MFAP3L: variants seen among roughly 807,000 people sequenced by gnomAD.
MFAP3L encodes the protein microfibrillar-associated protein 3-like.
In MFAP3L, 5 loss-of-function variants were observed where a neutral mutation model predicts 20.0. That is an observed-to-expected ratio of 0.25 (90% CI 0.13 to 0.53). The LOEUF (loss-of-function observed/expected upper bound fraction) is 0.53, where lower values mean the gene tolerates loss of function less well. MFAP3L is among the 20% of genes least tolerant of loss of function. The pLI is 0.96. For synonymous variants in MFAP3L, 219 were observed against 213.0 expected (o/e 1.03, Z -0.25); for missense variants, 409 against 527.5 (o/e 0.78, Z 2.20).
intron 1 of MFAP3L, among the ~76,000 whole-genome samples, chr4:170,016,335 C>T (rs1739699613): frequency 1.3e-5 from 2 of 152,310 alleles, no homozygotes; most frequent in South Asian, 4.1e-4. Context: ...CATCAGCCTC[C>T]CTGGGCTCTG....
intron 1 of MFAP3L, among the ~76,000 whole-genome samples, chr4:170,018,871 G>A (rs963722966): frequency 1.3e-5 from 2 of 152,228 alleles, no homozygotes; most frequent in Non-Finnish European, 2.9e-5. Context: ...CTGCAGGCCT[G>A]GCCGGGGGTG....
intron 2 of MFAP3L, chr4:169,993,462 C>T (rs530043143): frequency 6.6e-6 from 1 of 152,300 alleles, no homozygotes; most frequent in Non-Finnish European, 1.5e-5. Flanking sequence ...GTTTGCTCTC[C>T]TTATGGTAGT....
At chr4:170,023,765 G>A (rs1175345037) in intron 1 of MFAP3L, among the ~76,000 whole-genome samples, 6 of 152,168 alleles carry the variant, frequency 3.9e-5, no homozygotes, top group Admixed American at 3.9e-4. Context: ...GAGGTTAAAA[G>A]CAACTTGGCT....
At chr4:169,997,754 C>T in intron 2 of MFAP3L, 1 of 983,626 alleles carries the variant, frequency 1.0e-6, no homozygotes, top group South Asian at 4.7e-5. Context: ...CAACTCACCG[C>T]AGCCTGGATG....
At chr4:169,995,017 C>G (rs1738034565) in intron 2 of MFAP3L, 1 of 152,160 alleles carries the variant, frequency 6.6e-6, no homozygotes, top group Admixed American at 6.5e-5. Context: ...CATCACAGCT[C>G]TCTCTGCCAG....
intron 1 of MFAP3L, 81 bp downstream of exon 1, chr4:170,026,153 G>C (rs1407197426): frequency 3.5e-6 from 3 of 847,906 alleles, no homozygotes; most frequent in East Asian, 1.2e-4. Context: ...CGGCCCCGGC[G>C]CCGACTCGGC....
At chr4:169,998,163 G>A (rs1385931075) in intron 2 of MFAP3L, among the ~76,000 whole-genome samples, 1 of 151,194 alleles carries the variant, frequency 6.6e-6, no homozygotes, top group South Asian at 2.1e-4. Context: ...CTGGGACCAC[G>A]GTGCTCGCCA....
chr4:170,024,670 T>C (rs1740241357), intron 1 of MFAP3L, among the ~76,000 whole-genome samples: 1 of 152,216 alleles, frequency 6.6e-6, no homozygotes, highest in East Asian at 1.9e-4. Context: ...AGGTTCTAAT[T>C]CATAAAAATG....
chr4:169,993,252 T>A (rs1024463838), intron 2 of MFAP3L, among the ~76,000 whole-genome samples: 1 of 152,140 alleles, frequency 6.6e-6, no homozygotes, highest in African/African-American at 2.4e-5. Flanking sequence ...TCTGAGCCCT[T>A]CTGAAACCCT....
At chr4:169,996,583 A>G (rs1738184178) in intron 2 of MFAP3L, among the ~76,000 whole-genome samples, 1 of 152,064 alleles carries the variant, frequency 6.6e-6, no homozygotes, top group Non-Finnish European at 1.5e-5. Context: ...ACAGGTAGGG[A>G]GAGGAATGCG....
In MFAP3L at chr4:169,988,636, G is replaced by T. The variant is rs1737442843; in HGVS notation, c.*2742C>A. ...TCAGCTGAAAGTCATGAGGTCTTCTGCATTTCATATTCTAGCAGGAGGGCC... is the reference window on the plus strand; with the variant it reads ...TCAGCTGAAAGTCATGAGGTCTTCTTCATTTCATATTCTAGCAGGAGGGCC... On this transcript the variant is annotated 3_prime_UTR_variant, in exon 3 of 3. Transcript: ENST00000361618. 6.6e-6 allele frequency: 1 copy of T among 152,140 alleles called. No homozygotes were observed. The highest frequency in any genetic ancestry group is 2.1e-4 in the South Asian group (1 of 4,822). The allele number at this position is 152,140 out of a possible 1,614,324, so 9.4% of individuals were successfully genotyped here. A position where few individuals can be genotyped will look rare whatever the true frequency, so the allele number is the denominator to read the frequency against.
At chr4:170,006,302 G>A (rs1289541529) in intron 1 of MFAP3L, among the ~76,000 whole-genome samples, 2 of 151,928 alleles carry the variant, frequency 1.3e-5, no homozygotes, top group Admixed American at 6.6e-5. Context: ...TAGTAGAGAT[G>A]AGGTTTCACC....
chr4:170,000,504 G>A lies in MFAP3L; in HGVS notation c.298+5076C>T, dbSNP rs190322601. 3.3e-5 allele frequency among the ~76,000 whole-genome samples: 5 copies of A among 152,122 alleles called. No homozygotes were observed. In the East Asian group the frequency reaches 9.6e-4, roughly 29 times the overall value. On this transcript the variant is annotated intron_variant, in intron 2 of 2. Coordinates refer to ENST00000361618, the MANE Select transcript of MFAP3L (RefSeq NM_021647.8). Reference sequence around the variant, plus strand: ...TTACTGAGAGCTTGCTATATTCCAGGTACCTCTGCTAAGCATTTAAGACTC... The same window carrying A: ...TTACTGAGAGCTTGCTATATTCCAGATACCTCTGCTAAGCATTTAAGACTC...
At chr4:170,009,905 T>C (rs762123252) in intron 1 of MFAP3L, among the ~76,000 whole-genome samples, 18 of 152,214 alleles carry the variant, frequency 1.2e-4, no homozygotes, top group South Asian at 2.1e-4. Context: ...TGTTTTTTCT[T>C]GGCAGAGTCA....
chr4:170,004,708 G>A (rs1191727893), intron 2 of MFAP3L, among the ~76,000 whole-genome samples: 1 of 152,150 alleles, frequency 6.6e-6, no homozygotes, highest in Non-Finnish European at 1.5e-5. Flanking sequence ...CTCTTTTGGG[G>A]ATTGCTCATT....
intron 2 of MFAP3L, chr4:169,994,500 C>T: frequency 8.2e-6 from 8 of 975,488 alleles, no homozygotes; most frequent in Non-Finnish European, 9.7e-6. Context: ...ATACTAGTTA[C>T]AACATCCCAA....
chr4:169,994,081 T>C (rs1193029075), intron 2 of MFAP3L: 3 of 750,226 alleles, frequency 4.0e-6, no homozygotes, highest in Non-Finnish European at 4.9e-6. Context: ...AAAAGTAGAC[T>C]ACAGCAGGCA....
In MFAP3L at chr4:170,019,581, G is replaced by A. The variant is rs553392771; in HGVS notation, c.-134+6653C>T. On this transcript the variant is annotated intron_variant, in intron 1 of 2. Coordinates refer to ENST00000361618, the MANE Select transcript of MFAP3L (RefSeq NM_021647.8). ...TATGAAAGGTAGAGACTCGAGAACA[G>A]ATGGATCCTATCTTGTTAAGAGGTA... Among the ~76,000 whole-genome samples the A allele has an allele frequency of 3.9e-5, 6 of 152,300 alleles. No homozygotes were observed. The South Asian group carries it at 1.2e-3, about 32-fold the overall frequency.
chr4:170,020,329 C>T (rs920798983), intron 1 of MFAP3L, among the ~76,000 whole-genome samples: 1 of 152,150 alleles, frequency 6.6e-6, no homozygotes, highest in Non-Finnish European at 1.5e-5. Context: ...TCACTGAGTT[C>T]TAATGATTCT....
Sources: allele counts gnomAD v4.1 joint callset (sites outside exome capture counted in the v4.1 genomes callset), GRCh38; gene constraint gnomAD v4.1.1; transcripts MANE v1.5; gene names NCBI Gene and HGNC (gene_info 2026-07-23, HGNC 2026-07-21).